PTPRG: variants seen among roughly 807,000 people sequenced by gnomAD.
PTPRG encodes protein tyrosine phosphatase receptor type G.
PTPRG carries 102 observed loss-of-function variants against 165.3 expected under a neutral mutation model. The observed-to-expected ratio is 0.62, with a 90% CI of 0.53 to 0.73. The LOEUF (loss-of-function observed/expected upper bound fraction) is 0.73, where lower values mean the gene tolerates loss of function less well. Ranked by LOEUF, PTPRG falls within the 30% of genes least tolerant of loss-of-function variation. The pLI is 0.00. For synonymous variants in PTPRG, 675 were observed against 669.5 expected (o/e 1.01, Z -0.13); for missense variants, 1,866 against 1,861.4 (o/e 1.00, Z -0.05).
rs1701519711 is a variant in PTPRG, at chr3:62,080,161, G to A, written c.615+1903G>A. ...CAGCTCACCACAACCTCCGCCTCCC[G>A]GGTTCAGGTGATTCTTCTGCCTCAG... is the stretch of plus-strand genomic sequence containing the variant. On this transcript the variant is annotated intron_variant, in intron 5 of 29. Transcript: ENST00000474889. Among the ~76,000 whole-genome samples, 4 of 148,498 alleles carry A rather than the reference G, an allele frequency of 2.7e-5. 1 individual carries two copies. The South Asian group carries it at 6.5e-4, about 24-fold the overall frequency.
rs1053053283 is a variant in PTPRG, at chr3:61,672,501, C to T, written c.86-76377C>T. 7.2e-3 allele frequency among the ~76,000 whole-genome samples: 1,073 copies of T among 148,468 alleles called. 12 individuals carry two copies. The highest frequency in any genetic ancestry group is 0.025 in the African/African-American group (999 of 40,078). On this transcript the variant is annotated intron_variant, in intron 1 of 29. Coordinates refer to ENST00000474889, the MANE Select transcript of PTPRG (RefSeq NM_002841.4). Reference sequence around the variant, plus strand: ...GGGAGGCCGAGGCTGGCGGATCACTCGCGGTTAGGAGCTGGAGACCAGCCC... The same window carrying T: ...GGGAGGCCGAGGCTGGCGGATCACTTGCGGTTAGGAGCTGGAGACCAGCCC...
chr3:61,786,202 G>T (rs1446037192), intron 2 of PTPRG, among the ~76,000 whole-genome samples: 1 of 152,112 alleles, frequency 6.6e-6, no homozygotes, highest in Non-Finnish European at 1.5e-5. Context: ...CTGTTATGGT[G>T]GTTGTTCAGA....
Position 61,996,380 on chromosome 3 carries a change from A to G in PTPRG, c.370+6576A>G, listed in dbSNP as rs541475770. 4.6e-5 allele frequency among the ~76,000 whole-genome samples: 7 copies of G among 152,240 alleles called. No individual in the cohort carries two copies. The East Asian group carries it at 1.4e-3, about 29-fold the overall frequency. ...GATCCTTAATAGGTGTAAATATGGG[A>G]TGATGATGGTAGACCATTGTGGAGT... On this transcript the variant is annotated intron_variant, in intron 3 of 29. Transcript: ENST00000474889.
chr3:62,018,015 C>G (rs1372661446), intron 4 of PTPRG, among the ~76,000 whole-genome samples: 1 of 152,186 alleles, frequency 6.6e-6, no homozygotes, highest in Non-Finnish European at 1.5e-5. Context: ...GCCCACACTC[C>G]AAAGGTTATG....
At chr3:62,125,734 G>T (rs17683922) in intron 5 of PTPRG, among the ~76,000 whole-genome samples, 9,847 of 147,226 alleles carry the variant, frequency 0.067, 481 homozygotes, top group Non-Finnish European at 0.099. Flanking sequence ...GTGTGAAACA[G>T]TTTGCAACGT....
intron 2 of PTPRG, among the ~76,000 whole-genome samples, chr3:61,955,164 A>G (rs894829224): frequency 5.9e-5 from 9 of 152,226 alleles, no homozygotes; most frequent in African/African-American, 1.2e-4. Context: ...GATATGTCAT[A>G]GCCTTGAACT....
At chr3:61,983,542 T>C (rs547620736) in intron 2 of PTPRG, among the ~76,000 whole-genome samples, 1 of 152,268 alleles carries the variant, frequency 6.6e-6, no homozygotes, top group African/African-American at 2.4e-5. Context: ...TTAATGGCTT[T>C]TCATTAGTGA....
At chr3:61,874,269 G>A (rs2037663118) in intron 2 of PTPRG, among the ~76,000 whole-genome samples, 3 of 152,108 alleles carry the variant, frequency 2.0e-5, no homozygotes. Context: ...GCATTTGCTG[G>A]ATCCCCTCAA....
chr3:62,142,929 C>T (rs187852303), intron 6 of PTPRG, among the ~76,000 whole-genome samples: 84 of 152,202 alleles, frequency 5.5e-4, no homozygotes, highest in Non-Finnish European at 6.3e-4. Context: ...CACCATGGCC[C>T]GCATCATATA....
chr3:61,915,373 G>T (rs2038909736), intron 2 of PTPRG, among the ~76,000 whole-genome samples: 1 of 152,138 alleles, frequency 6.6e-6, no homozygotes, highest in Non-Finnish European at 1.5e-5. Context: ...TTCCTGTTCT[G>T]TGTTTTCTGA....
intron 1 of PTPRG, among the ~76,000 whole-genome samples, chr3:61,707,257 A>G (rs1451210171): frequency 6.6e-6 from 1 of 152,232 alleles, no homozygotes; most frequent in Admixed American, 6.5e-5. Context: ...TTTAGTTAGT[A>G]TTTGTATTCA....
rs1225806890 is a variant in PTPRG, at chr3:62,210,386, C to T, written c.2155+6436C>T. Among the ~76,000 whole-genome samples the T allele has an allele frequency of 6.6e-6, 1 of 152,168 alleles. No individual in the cohort carries two copies. Among genetic ancestry groups the T allele is most frequent in the Non-Finnish European group, 1.5e-5 (1 of 68,032 alleles). ...ACAGCAGCCACCTTATCATTTCACA[C>T]CCGTTAGAATGGCTTCTATCAAAAA... On this transcript the variant is annotated intron_variant, in intron 12 of 29. Coordinates refer to ENST00000474889, the MANE Select transcript of PTPRG (RefSeq NM_002841.4). The surrounding 1 kb of genome is among the most constrained non-coding windows in gnomAD (Gnocchi z 4.1).
chr3:61,923,296 GC>G (rs2107565978), intron 2 of PTPRG, among the ~76,000 whole-genome samples: 1 of 152,248 alleles, frequency 6.6e-6, no homozygotes, highest in Non-Finnish European at 1.5e-5. Context: ...TTAGAAAAGT[GC>G]TAAGAATTGA....
chr3:62,035,294 G>T (rs919765503), intron 4 of PTPRG, among the ~76,000 whole-genome samples: 19 of 152,150 alleles, frequency 1.2e-4, no homozygotes, highest in African/African-American at 3.9e-4. Context: ...CCTGGAAATG[G>T]GAATAGCACT....
rs534500332 is a variant in PTPRG, at chr3:62,219,659, C to A, written c.2288+676C>A. On this transcript the variant is annotated intron_variant, in intron 13 of 29. Coordinates refer to ENST00000474889, the MANE Select transcript of PTPRG (RefSeq NM_002841.4). This position sits in a 1 kb window ranked among gnomAD's most constrained non-coding sequence, Gnocchi z 4.5. Reference sequence around the variant, plus strand: ...GGCCTGGGTGCCCTCACCTCTCAGACTAACGTAGGAGGCTTCTGCCCTTTA... The same window carrying A: ...GGCCTGGGTGCCCTCACCTCTCAGAATAACGTAGGAGGCTTCTGCCCTTTA... 2.6e-5 allele frequency among the ~76,000 whole-genome samples: 4 copies of A among 152,292 alleles called. No individual in the cohort carries two copies. The highest frequency in any genetic ancestry group is 2.6e-4 in the Admixed American group (4 of 15,300).
At chr3:61,763,612 C>T (rs1156497736) in intron 2 of PTPRG, among the ~76,000 whole-genome samples, 2 of 150,502 alleles carry the variant, frequency 1.3e-5, no homozygotes, top group Non-Finnish European at 3.0e-5. Flanking sequence ...CTCAGGTGAT[C>T]CACCCGCCTC....
chr3:61,931,108 C>CTGTG (rs2039350782), intron 2 of PTPRG, among the ~76,000 whole-genome samples: 1 of 152,154 alleles, frequency 6.6e-6, no homozygotes, highest in South Asian at 2.1e-4. Context: ...GGGCCATGTG[C>CTGTG]TGTGGTTCCT....
intron 2 of PTPRG, among the ~76,000 whole-genome samples, chr3:61,765,637 G>A (rs1219175529): frequency 6.6e-6 from 1 of 152,136 alleles, no homozygotes; most frequent in East Asian, 1.9e-4. Context: ...GGAGTGGAAA[G>A]GAAACCAGAG....
intron 8 of PTPRG, among the ~76,000 whole-genome samples, chr3:62,182,595 A>G (rs1705700217): frequency 6.6e-6 from 1 of 152,250 alleles, no homozygotes; most frequent in Non-Finnish European, 1.5e-5. Flanking sequence ...ACCTTTATCC[A>G]TAGTTCCTGG....
Sources: gnomAD v4.1 joint callset for allele counts (sites outside exome capture counted in the v4.1 genomes callset) on GRCh38, gnomAD v4.1.1 for gene constraint, Gnocchi (gnomAD v3.1) non-coding constraint, MANE v1.5 for transcripts, NCBI Gene and HGNC (gene_info 2026-07-23, HGNC 2026-07-21) for gene names.